The following GNPTG variants were observed in gnomAD, a reference collection of about 807,000 sequenced individuals.
GNPTG encodes N-acetylglucosamine-1-phosphotransferase subunit gamma.
In GNPTG, 46 loss-of-function variants were observed where a neutral mutation model predicts 43.8. The observed-to-expected ratio is 1.05, with a 90% confidence interval of 0.83 to 1.34. The LOEUF (loss-of-function observed/expected upper bound fraction) is 1.34, where lower values mean the gene tolerates loss of function less well. Among genes scored for constraint, GNPTG ranks in the 40% most tolerant of loss-of-function variants. GNPTG has a pLI of 0.00. For synonymous variants in GNPTG, 250 were observed against 172.8 expected, an observed-to-expected ratio of 1.45 and a Z score of -3.50; for missense variants, 549 against 411.3, an observed-to-expected ratio of 1.33 and a Z score of -2.90.
In GNPTG at chr16:1,363,715, G is replaced by A. The variant is rs2035018657; in HGVS notation, c.*624G>A. ...CCTGAGGCCATGGCCACCAAGACAG[G>A]TGAGGGAGGCCCCAGGGCACACAGC... On this transcript the variant is annotated 3_prime_UTR_variant, in exon 11 of 11. Coordinates refer to ENST00000204679, the MANE Select transcript of GNPTG (RefSeq NM_032520.5). The A allele has an allele frequency of 6.0e-6, 1 of 165,884 alleles. No individual in the cohort carries two copies. Among genetic ancestry groups the A allele is most frequent in the Non-Finnish European group, 1.3e-5 (1 of 75,952 alleles). 10.3% of individuals were successfully genotyped at this position (165,884 alleles called of 1,614,324 possible).
intron 3 of GNPTG, among the ~76,000 whole-genome samples, chr16:1,353,911 C>T (rs1041346845): frequency 6.6e-6 from 1 of 152,182 alleles, no homozygotes; most frequent in South Asian, 2.1e-4. Flanking sequence ...GGCCAAAGGC[C>T]TTGAGCAGGA....
intron 3 of GNPTG, among the ~76,000 whole-genome samples, chr16:1,353,033 G>C (rs557497178): frequency 6.9e-6 from 1 of 145,024 alleles, no homozygotes; most frequent in Non-Finnish European, 1.5e-5. Context: ...GCAGTGGCAC[G>C]ATCTCGGCTC....
chr16:1,362,019 C>T lies in GNPTG; in HGVS notation c.318-19C>T, dbSNP rs143316080. On this transcript the variant is annotated intron_variant, in intron 5 of 10. Transcript: ENST00000204679. ...CAGCTCCCCACCCGGCCTCACGTGC[C>T]GTGCCCGTGTCTCCCCAGCATCTGG... is the stretch of plus-strand genomic sequence containing the variant. 21 of 1,612,628 alleles carry T rather than the reference C, an allele frequency of 1.3e-5. No individual in the cohort carries two copies. In the East Asian group the frequency reaches 1.6e-4, roughly 12 times the overall value.
chr16:1,362,016 T>G (rs756455159), intron 5 of GNPTG, 22 bp from the exon 6 acceptor site: 2 of 1,612,720 alleles, frequency 1.2e-6, no homozygotes, highest in Non-Finnish European at 1.7e-6. Flanking sequence ...CGGCCTCACG[T>G]GCCGTGCCCG....
chr16:1,355,037 G>A (rs1242860686), intron 3 of GNPTG, among the ~76,000 whole-genome samples: 2 of 151,874 alleles, frequency 1.3e-5, no homozygotes, highest in African/African-American at 2.4e-5. Flanking sequence ...CCGCATGTGC[G>A]GGGTCGGGTG....
intron 3 of GNPTG, chr16:1,357,809 G>C (rs887218063): frequency 6.6e-6 from 1 of 152,440 alleles, no homozygotes; most frequent in Non-Finnish European, 1.5e-5. Flanking sequence ...CACCGCGCCT[G>C]GCCTCGACTT....
At position 1,361,767 on chromosome 16, in the gene GNPTG, C is replaced by T. The variant is rs552402857; in HGVS notation, c.203C>T (p.Ser68Leu). 1.1e-5 allele frequency: 18 copies of T among 1,611,756 alleles called. No homozygotes were observed. In the African/African-American group the frequency reaches 1.5e-4, roughly 13 times the overall value. The change falls in exon 4 of 11, where the codon TCG (serine) becomes TTG (leucine). Residue 68 changes from serine (S) to leucine (L), a missense_variant. By Grantham distance (145) the Ser-to-Leu change is moderately radical (BLOSUM62 -2). Coordinates refer to ENST00000204679, the MANE Select transcript of GNPTG (RefSeq NM_032520.5). ...GGACCCGTGCATCTCTTCCGACTCT[C>T]GGGCAAGTGCTTCAGCCTGGTGGAG... ...VSGPVHLFRL[S>L]GKCFSLVEST...
At position 1,362,273 on chromosome 16, in the gene GNPTG, C is replaced by A. The variant is rs374470431; in HGVS notation, c.479C>A (p.Ala160Glu). The A allele has an allele frequency of 1.0e-4, 161 of 1,613,360 alleles. No individual in the cohort carries two copies. Among genetic ancestry groups the A allele is most frequent in the Admixed American group, 3.3e-4 (20 of 60,010 alleles). The change falls in exon 7 of 11, where the codon GCG becomes GAG. Residue 160 changes from alanine (A) to glutamate (E), a missense_variant. Ala to Glu is a moderately radical substitution (Grantham distance 107, BLOSUM62 -1). Transcript: ENST00000204679. ...HVSEPSTCVY[A>E]LTFETPLVCH... Reference sequence around the variant, plus strand: ...TCCGAGCCGAGCACCTGCGTCTACGCGCTGACGTTCGAGACCCCCCTCGTC... The same window carrying A: ...TCCGAGCCGAGCACCTGCGTCTACGAGCTGACGTTCGAGACCCCCCTCGTC...
Position 1,363,163 on chromosome 16 carries a change from G to T in GNPTG, c.*72G>T, listed in dbSNP as rs2034970585. 7.5e-7 allele frequency: 1 copy of T among 1,334,438 alleles called. No individual in the cohort carries two copies. 82.7% of individuals were successfully genotyped at this position (1,334,438 alleles called of 1,614,324 possible). A position where few individuals can be genotyped will look rare whatever the true frequency, so the allele number is the denominator to read the frequency against. ...AGAAGCTGGCTGGTAGGACCCGCAG[G>T]GACCAGCTGACCAGGCTTGTGCTCA... is the stretch of plus-strand genomic sequence containing the variant. On this transcript the variant is annotated 3_prime_UTR_variant, in exon 11 of 11. Coordinates refer to ENST00000204679, the MANE Select transcript of GNPTG (RefSeq NM_032520.5).
chr16:1,354,950 C>T (rs550273636), intron 3 of GNPTG, among the ~76,000 whole-genome samples: 98 of 150,418 alleles, frequency 6.5e-4, no homozygotes, highest in African/African-American at 2.4e-3. Context: ...TGGGGCCGGG[C>T]GTGGAAAGTC....
rs183054962 is a variant in GNPTG, at chr16:1,359,504, G to A, written c.179-2239G>A. On this transcript the variant is annotated intron_variant, in intron 3 of 10. Coordinates refer to ENST00000204679, the MANE Select transcript of GNPTG (RefSeq NM_032520.5). ...AGGATGGTCTCGATCTCCTGACTTCGTGATCCGTCTGCCTCGGCCTCCCAA... is the reference window on the plus strand; with the variant it reads ...AGGATGGTCTCGATCTCCTGACTTCATGATCCGTCTGCCTCGGCCTCCCAA... Among the ~76,000 whole-genome samples, 525 of 151,000 alleles carry A rather than the reference G, an allele frequency of 3.5e-3. 3 individuals carry two copies. Among genetic ancestry groups the A allele is most frequent in the Admixed American group, 7.0e-3 (106 of 15,194 alleles).
chr16:1,354,725 T>C (rs761057), intron 3 of GNPTG, among the ~76,000 whole-genome samples: 140,543 of 152,228 alleles, frequency 0.92, 64,987 homozygotes, highest in East Asian at 1. Context: ...GTGTTTTAAT[T>C]TGGAACAGTT....
rs1204106540 is a variant in GNPTG, at chr16:1,362,199, T to TC, written c.412-3dup. 1.9e-6 allele frequency: 3 copies of TC among 1,613,404 alleles called. No individual in the cohort carries two copies. The highest frequency in any genetic ancestry group is 1.7e-5 in the Admixed American group (1 of 60,012). On this transcript the variant is annotated splice_region_variant and splice_polypyrimidine_tract_variant and intron_variant, in intron 6 of 10. Transcript: ENST00000204679. ...CCCCAACCCACCTACCCACGTTCCC[T>TC]CCCCAGGTGGAGCTGGCGTGTGGAA... is the stretch of plus-strand genomic sequence containing the variant.
chr16:1,363,585 C>T lies in GNPTG; in HGVS notation c.*494C>T, dbSNP rs569695686. On this transcript the variant is annotated 3_prime_UTR_variant, in exon 11 of 11. Coordinates refer to ENST00000204679, the MANE Select transcript of GNPTG (RefSeq NM_032520.5). ...CGGCCGCCAGCCAGCTCCTACGCCC[C>T]GTGCCCGCCATGGCCACAGGGGGGA... The T allele has an allele frequency of 2.9e-3, 620 of 213,850 alleles. 1 individual carries two copies. Among genetic ancestry groups the T allele is most frequent in the Middle Eastern group, 8.4e-3 (4 of 474 alleles). 13.2% of individuals were successfully genotyped at this position (213,850 alleles called of 1,614,324 possible).
intron 3 of GNPTG, among the ~76,000 whole-genome samples, chr16:1,355,805 G>T (rs2034765148): frequency 1.3e-5 from 2 of 152,108 alleles, no homozygotes; most frequent in African/African-American, 4.8e-5. Flanking sequence ...CGGGATCCTG[G>T]CTAGAGAAGC....
chr16:1,359,962 A>G (rs113347247), intron 3 of GNPTG, among the ~76,000 whole-genome samples: 2 of 152,234 alleles, frequency 1.3e-5, no homozygotes, highest in African/African-American at 4.8e-5. Flanking sequence ...TACAAAAATT[A>G]GCCAGCCGTG....
rs1567179758 is a variant in GNPTG at position 1,352,281 on chromosome 16, C to T, written c.153C>T (p.Ala51=). ...PFLPQASRLQ[A]KRDPSPVSGP... ...TGCCTCAGGCCAGTCGCCTCCAGGC[C>T]AAGAGGGATCCTTCACCCGTGTCTG... is the stretch of plus-strand genomic sequence containing the variant. Residue 51 remains alanine (A), a synonymous_variant, in exon 3 of 11, where the codon GCC becomes GCT. Coordinates refer to ENST00000204679, the MANE Select transcript of GNPTG (RefSeq NM_032520.5). 1 of 1,548,262 alleles carries T rather than the reference C, an allele frequency of 6.5e-7. No homozygotes were observed. Among genetic ancestry groups the T allele is most frequent in the Non-Finnish European group, 8.7e-7 (1 of 1,146,828 alleles).
At chr16:1,361,527 C>A (rs951906075) in intron 3 of GNPTG, 2 of 535,200 alleles carry the variant, frequency 3.7e-6, no homozygotes, top group Non-Finnish European at 6.7e-6. Context: ...GCCTGTAGTC[C>A]CAGCTACTTG....
rs760954235 is a variant in GNPTG, at chr16:1,362,250, C to T, written c.456C>T (p.Ser152=). 41 of 1,613,414 alleles carry T rather than the reference C, an allele frequency of 2.5e-5. 1 individual carries two copies. Among genetic ancestry groups the T allele is most frequent in the East Asian group, 6.7e-5 (3 of 44,894 alleles). Residue 152 remains serine, a synonymous_variant, in exon 7 of 11, where the codon TCC becomes TCT. Coordinates refer to ENST00000204679, the MANE Select transcript of GNPTG (RefSeq NM_032520.5). The stretch of plus-strand genomic sequence containing the variant: ...AAAGCAACCGGCTGGCCCATGTGTC[C>T]GAGCCGAGCACCTGCGTCTACGCGC... ...CGKSNRLAHV[S]EPSTCVYALT... is the part of the protein sequence containing the mutation.
Sources: gnomAD v4.1 joint callset for allele counts (sites outside exome capture counted in the v4.1 genomes callset) on GRCh38, gnomAD v4.1.1 for gene constraint, MANE v1.5 for transcripts, NCBI Gene and HGNC (gene_info 2026-07-23, HGNC 2026-07-21) for gene names.